The following ZNF334 variants were observed in gnomAD, a reference collection of about 807,000 sequenced individuals.
The protein encoded by ZNF334 is zinc finger protein 334.
In ZNF334, 14 loss-of-function variants were observed where a neutral mutation model predicts 12.4. The ratio of observed to expected loss-of-function variants is 1.13; its 90% CI spans 0.74 to 1.76. The LOEUF (loss-of-function observed/expected upper bound fraction) is 1.76. Among genes scored for constraint, ZNF334 ranks in the 40% most tolerant of loss-of-function variants. The pLI, the probability that ZNF334 is intolerant of heterozygous loss-of-function variation, is 0.00. For synonymous variants in ZNF334, 273 were observed against 269.6 expected (o/e 1.01, Z -0.12); for missense variants, 797 against 804.5 (o/e 0.99, Z 0.11).
At chr20:46,504,369 G>T in intron 3 of ZNF334, 63 bp from the exon 4 acceptor site, 1 of 1,437,804 alleles carries the variant, frequency 7.0e-7, no homozygotes, top group Non-Finnish European at 9.7e-7. Context: ...TCTGAAGAAT[G>T]AAGAAAGTAC....
the ZNF334 span, among the ~76,000 whole-genome samples, chr20:46,494,111 G>A: frequency 6.6e-6 from 1 of 152,194 alleles, no homozygotes; most frequent in African/African-American, 2.4e-5. Context: ...ATTTCTTGTT[G>A]TATGTCTTAA....
At chr20:46,503,509 T>C (rs1321933482) in intron 4 of ZNF334, among the ~76,000 whole-genome samples, 2 of 152,180 alleles carry the variant, frequency 1.3e-5, no homozygotes, top group Non-Finnish European at 2.9e-5. Context: ...AAGATAGTCA[T>C]ACAGTGAGAC....
At position 46,504,205 on chromosome 20, in the gene ZNF334, T is replaced by C. The variant is rs1252364724; in HGVS notation, c.241+9A>G. On this transcript the variant is annotated intron_variant, in intron 4 of 4. Coordinates refer to ENST00000692313, the MANE Select transcript of ZNF334 (RefSeq NM_001353824.2). ...ATTGGTTCCACCTGCTCAGTTATCATTTACTTACCTGGGTAGTTCTGATTT... is the reference window on the plus strand; with the variant it reads ...ATTGGTTCCACCTGCTCAGTTATCACTTACTTACCTGGGTAGTTCTGATTT... 1 of 1,592,978 alleles carries C rather than the reference T, an allele frequency of 6.3e-7. No homozygotes were observed. The highest frequency in any genetic ancestry group is 1.1e-5 in the South Asian group (1 of 88,562).
the ZNF334 span, among the ~76,000 whole-genome samples, chr20:46,463,432 T>C: frequency 1.3e-5 from 2 of 152,134 alleles, no homozygotes; most frequent in African/African-American, 4.8e-5. Flanking sequence ...GATGTGCAGA[T>C]TTCAGCAGAA....
the ZNF334 span, among the ~76,000 whole-genome samples, chr20:46,489,531 G>A: frequency 2.0e-5 from 3 of 151,386 alleles, no homozygotes; most frequent in African/African-American, 7.3e-5. Context: ...AGCTGGATGT[G>A]ATGGCATGGC....
chr20:46,466,148 A>T, the ZNF334 span, among the ~76,000 whole-genome samples: 2 of 152,146 alleles, frequency 1.3e-5, no homozygotes, highest in Non-Finnish European at 2.9e-5. Flanking sequence ...ATATAAAAAA[A>T]TTTTCTTATC....
chr20:46,479,184 C>T, the ZNF334 span, among the ~76,000 whole-genome samples: 6 of 152,304 alleles, frequency 3.9e-5, no homozygotes, highest in East Asian at 7.7e-4. Context: ...AGGGGGGAAC[C>T]TGTCTCCTTG....
Position 46,499,832 on chromosome 20 carries a change from T to G in ZNF334, c.*1464A>C, listed in dbSNP as rs752042788. ...ACATGTATATGTGTGTATACATACA[T>G]TTATCTGTCCTGAAGGACATAAAAA... On this transcript the variant is annotated 3_prime_UTR_variant, in exon 5 of 5. Transcript: ENST00000692313. 2.6e-5 allele frequency: 4 copies of G among 152,212 alleles called. No individual in the cohort carries two copies. Among genetic ancestry groups the G allele is most frequent in the Non-Finnish European group, 5.9e-5 (4 of 68,042 alleles). The allele number at this position is 152,212 out of a possible 1,614,324, so 9.4% of individuals were successfully genotyped here. A position where few individuals can be genotyped will look rare whatever the true frequency, so the allele number is the denominator to read the frequency against.
In ZNF334 at chr20:46,502,731, T is replaced by G; in HGVS notation, c.608A>C (p.Gln203Pro). 1 of 1,613,766 alleles carries G rather than the reference T, an allele frequency of 6.2e-7. No homozygotes were observed. The highest frequency in any genetic ancestry group is 8.5e-7 in the Non-Finnish European group (1 of 1,180,000). Residue 203 changes from glutamine (Q) to proline (P), a missense_variant, in exon 5 of 5, where the codon CAG (glutamine) becomes CCG (proline). Transcript: ENST00000692313. ...NENLILHQNIQILKQPFDYNK... is the reference protein window; with the variant it reads ...NENLILHQNIPILKQPFDYNK... ...ATAGTCAAACGGTTGTTTCAAAATC[T>G]GAATGTTCTGGTGCAGAATAAGATT...
chr20:46,484,365 A>G, the ZNF334 span: 2 of 166,742 alleles, frequency 1.2e-5, no homozygotes, highest in South Asian at 4.1e-4. Flanking sequence ...GTATCCTTAT[A>G]TCCTGTGTGA....
downstream of ZNF334, among the ~76,000 whole-genome samples, chr20:46,495,625 G>C (rs534587017): frequency 6.6e-6 from 1 of 152,162 alleles, no homozygotes; most frequent in South Asian, 2.1e-4. Context: ...AATTATCATG[G>C]GGTATAAGAG....
rs752657021 is a variant in ZNF334 at position 46,501,368 on chromosome 20, T to C, written c.1971A>G (p.Glu657=). The C allele has an allele frequency of 2.5e-6, 4 of 1,614,162 alleles. No individual in the cohort carries two copies. In the South Asian group the frequency reaches 4.4e-5, roughly 18 times the overall value. Residue 657 remains glutamate (E), a synonymous_variant, in exon 5 of 5, where the codon GAA becomes GAG. Coordinates refer to ENST00000692313, the MANE Select transcript of ZNF334 (RefSeq NM_001353824.2). ...GAAATGTTTTCTCACATTTGTTACA[T>C]TCATAAGGTTTCTCTCCTGTGTGTA... ...QKIHTGEKPY[E]CNKCEKTFRH...
In ZNF334 at chr20:46,502,177, A is replaced by G; in HGVS notation, c.1162T>C (p.Cys388Arg). Residue 388 changes from cysteine (C) to arginine (R), a missense_variant, in exon 5 of 5, where the codon TGT (cysteine) becomes CGT (arginine). Coordinates refer to ENST00000692313, the MANE Select transcript of ZNF334 (RefSeq NM_001353824.2). ...ECKECGKTFFCQSALTAHQRI... is the reference protein window; with the variant it reads ...ECKECGKTFFRQSALTAHQRI... ...TGATGCGCAGTAAGGGCTGACTGAC[A>G]GAAGAAGGTTTTCCCACATTCCTTA... 2 of 1,613,678 alleles carry G rather than the reference A, an allele frequency of 1.2e-6. No individual in the cohort carries two copies. Among genetic ancestry groups the G allele is most frequent in the Non-Finnish European group, 1.7e-6 (2 of 1,179,814 alleles).
At chr20:46,512,174 G>C (rs1601083528) in intron 1 of ZNF334, 34 bp from the exon 2 acceptor site, 1 of 1,559,288 alleles carries the variant, frequency 6.4e-7, no homozygotes, top group East Asian at 2.2e-5. Context: ...GGAATCATGA[G>C]CGATTTGGCT....
rs143974367 is a variant in ZNF334 at position 46,510,498 on chromosome 20, G to A, written c.21+1584C>T. 3.6e-3 allele frequency among the ~76,000 whole-genome samples: 554 copies of A among 152,332 alleles called. 5 individuals carry two copies. Among genetic ancestry groups the A allele is most frequent in the African/African-American group, 0.013 (524 of 41,576 alleles). The stretch of plus-strand genomic sequence containing the variant: ...CCCAGCACTTAGTGAGGCCGAGGCA[G>A]GAGGATCACGAGGTCAGGAGATTGA... On this transcript the variant is annotated intron_variant, in intron 2 of 4. Transcript: ENST00000692313.
the ZNF334 span, among the ~76,000 whole-genome samples, chr20:46,488,419 T>TTATATATATATATATATATATATATA: frequency 3.1e-3 from 320 of 101,982 alleles, 5 homozygotes; most frequent in African/African-American, 5.5e-3. Context: ...AGCTCTTATT[T>TTATATATATATATATATATATATATA]TATATATATA....
At chr20:46,511,445 G>C (rs891781411) in intron 2 of ZNF334, among the ~76,000 whole-genome samples, 3 of 152,110 alleles carry the variant, frequency 2.0e-5, no homozygotes, top group Admixed American at 6.6e-5. Context: ...AGAGTGGTGG[G>C]GGCAGACACC....
At chr20:46,465,952 TA>T in the ZNF334 span, among the ~76,000 whole-genome samples, 223 of 142,208 alleles carry the variant, frequency 1.6e-3, no homozygotes, top group Middle Eastern at 7.2e-3. Flanking sequence ...AAACTCCGTC[TA>T]AAAAAAAAAA....
chr20:46,491,164 T>A, the ZNF334 span: 1 of 152,754 alleles, frequency 6.5e-6, no homozygotes, highest in Non-Finnish European at 1.5e-5. Context: ...TTATTCAACA[T>A]CAGAGCATGC....
Sources: gnomAD v4.1 joint callset for allele counts (sites outside exome capture counted in the v4.1 genomes callset) on GRCh38, gnomAD v4.1.1 for gene constraint, MANE v1.5 for transcripts, NCBI Gene and HGNC (gene_info 2026-07-23, HGNC 2026-07-21) for gene names.